The following SYT9 variants were observed in gnomAD, a reference collection of about 807,000 sequenced individuals.
SYT9 encodes the protein synaptotagmin 9, also known as synaptotagmin-9.
A neutral mutation model predicts 48.4 loss-of-function variants in SYT9; 22 were observed. The ratio of observed to expected loss-of-function variants is 0.45; its 90% CI spans 0.32 to 0.65. SYT9 has a LOEUF of 0.65. Among genes scored for constraint, SYT9 ranks in the 30% least tolerant of loss-of-function variants. The pLI, the probability that SYT9 is intolerant of heterozygous loss-of-function variation, is 0.03. For missense variants in SYT9, 577 were observed against 622.0 expected, an observed-to-expected ratio of 0.93 and a Z score of 0.77; for synonymous variants, 265 against 245.0, an observed-to-expected ratio of 1.08 and a Z score of -0.76.
At chr11:7,364,383 T>C (rs1850202719) in intron 3 of SYT9, among the ~76,000 whole-genome samples, 1 of 152,194 alleles carries the variant, frequency 6.6e-6, no homozygotes, top group South Asian at 2.1e-4. Flanking sequence ...GCCTGGTCAA[T>C]CAATACATAG....
intron 3 of SYT9, among the ~76,000 whole-genome samples, chr11:7,401,274 T>A (rs1846887490): frequency 6.6e-6 from 1 of 151,446 alleles, no homozygotes; most frequent in African/African-American, 2.4e-5. Context: ...GGCTTAGGCA[T>A]TATCCTGTCC....
intron 1 of SYT9, among the ~76,000 whole-genome samples, chr11:7,277,345 G>A (rs1260770728): frequency 1.3e-5 from 2 of 152,158 alleles, no homozygotes; most frequent in East Asian, 3.8e-4. Context: ...AGTGTAATCT[G>A]CAAAATGTGA....
At chr11:7,302,250 G>T (rs914748778) in intron 1 of SYT9, among the ~76,000 whole-genome samples, 1 of 152,190 alleles carries the variant, frequency 6.6e-6, no homozygotes. Flanking sequence ...GGGTATATCT[G>T]AGGTGTATTA....
At chr11:7,420,831 T>G (rs1351830657) in intron 6 of SYT9, among the ~76,000 whole-genome samples, 196 bp downstream of exon 6, 1 of 152,226 alleles carries the variant, frequency 6.6e-6, no homozygotes, top group African/African-American at 2.4e-5. Flanking sequence ...TGGTAGGTTT[T>G]GAGTATTGAT....
At chr11:7,376,983 T>G (rs1850466644) in intron 3 of SYT9, among the ~76,000 whole-genome samples, 1 of 150,546 alleles carries the variant, frequency 6.6e-6, no homozygotes, top group Admixed American at 6.7e-5. Context: ...CCAGTGTAAT[T>G]ATGTCCACAA....
intron 3 of SYT9, among the ~76,000 whole-genome samples, chr11:7,325,374 A>G (rs1204931694): frequency 3.0e-4 from 41 of 136,428 alleles, no homozygotes; most frequent in African/African-American, 1.1e-3. Context: ...CTTTGAAGCA[A>G]TTGTGAATGG....
intron 3 of SYT9, among the ~76,000 whole-genome samples, chr11:7,322,603 A>G (rs1328514668): frequency 1.3e-5 from 2 of 152,206 alleles, no homozygotes; most frequent in Non-Finnish European, 2.9e-5. Flanking sequence ...ATGAAGCTAC[A>G]GGTCTCTGAC....
At chr11:7,278,579 A>G (rs1296343408) in intron 1 of SYT9, among the ~76,000 whole-genome samples, 1 of 152,220 alleles carries the variant, frequency 6.6e-6, no homozygotes, top group Non-Finnish European at 1.5e-5. Context: ...TACCTGGTTT[A>G]AAGAGGGTGG....
At chr11:7,319,028 A>G (rs1051869699) in intron 3 of SYT9, among the ~76,000 whole-genome samples, 6 of 152,116 alleles carry the variant, frequency 3.9e-5, no homozygotes, top group African/African-American at 1.4e-4. Flanking sequence ...GTTCCTGCTC[A>G]GTGTCCCTGA....
chr11:7,270,697 C>T (rs1223934007), intron 1 of SYT9, among the ~76,000 whole-genome samples: 1 of 152,146 alleles, frequency 6.6e-6, no homozygotes, highest in African/African-American at 2.4e-5. Context: ...AAGTTGGAGC[C>T]AAGTGGCCTT....
At chr11:7,448,844 G>T (rs1847986913) in intron 6 of SYT9, among the ~76,000 whole-genome samples, 1 of 152,148 alleles carries the variant, frequency 6.6e-6, no homozygotes, top group African/African-American at 2.4e-5. Context: ...ACGGTGGATG[G>T]GTCATCACTA....
At chr11:7,380,648 ATAAAAT>A (rs1291468395) in intron 3 of SYT9, among the ~76,000 whole-genome samples, 1 of 152,208 alleles carries the variant, frequency 6.6e-6, no homozygotes, top group Admixed American at 6.5e-5. Flanking sequence ...AAATAAAAAA[ATAAAAT>A]TAAGATATTC....
intron 3 of SYT9, among the ~76,000 whole-genome samples, chr11:7,375,195 C>A (rs533060922): frequency 1.7e-4 from 26 of 151,998 alleles, no homozygotes; most frequent in Non-Finnish European, 2.9e-4. Context: ...CCATTACTTG[C>A]TTTTGTCAGA....
intron 6 of SYT9, among the ~76,000 whole-genome samples, chr11:7,447,956 A>G (rs548646024): frequency 6.4e-4 from 97 of 152,344 alleles, no homozygotes; most frequent in Non-Finnish European, 1.2e-3. Context: ...GGGATCCTTC[A>G]TTGACAGTCA....
intron 6 of SYT9, among the ~76,000 whole-genome samples, chr11:7,449,985 T>G (rs1848016816): frequency 1.3e-5 from 2 of 152,116 alleles, no homozygotes; most frequent in Non-Finnish European, 2.9e-5. Flanking sequence ...TGCCAGTCAT[T>G]GCCCGCCTCC....
intron 3 of SYT9, among the ~76,000 whole-genome samples, chr11:7,337,508 G>T (rs1261794848): frequency 6.6e-6 from 1 of 152,120 alleles, no homozygotes; most frequent in South Asian, 2.1e-4. Flanking sequence ...GTTTGTCATA[G>T]ATGGATCTTA....
chr11:7,321,947 T>C (rs1290715022), intron 3 of SYT9, among the ~76,000 whole-genome samples: 4 of 152,148 alleles, frequency 2.6e-5, no homozygotes, highest in East Asian at 1.9e-4. Context: ...GGGATCACTT[T>C]CCTTGCTATC....
intron 3 of SYT9, among the ~76,000 whole-genome samples, chr11:7,368,017 A>AGTGTGTTTAT (rs1463701545): frequency 6.6e-6 from 1 of 152,222 alleles, no homozygotes; most frequent in African/African-American, 2.4e-5. Flanking sequence ...CAAATGTTTA[A>AGTGTGTTTAT]GTGACTTAGT....
intron 3 of SYT9, among the ~76,000 whole-genome samples, chr11:7,407,645 G>A (rs1384998707): frequency 1.9e-5 from 1 of 52,182 alleles, no homozygotes; most frequent in Non-Finnish European, 3.7e-5. Flanking sequence ...CTCCCAAAGT[G>A]CTGGGATTAC....
Sources: gnomAD v4.1 joint callset for allele counts (sites outside exome capture counted in the v4.1 genomes callset) on GRCh38, gnomAD v4.1.1 for gene constraint, MANE v1.5 for transcripts, NCBI Gene and HGNC (gene_info 2026-07-23, HGNC 2026-07-21) for gene names.